Variants in GRID2 observed in about 807,000 individuals in gnomAD.
The protein encoded by GRID2 is glutamate receptor ionotropic, delta-2.
GRID2 carries 33 observed loss-of-function variants against 114.8 expected under a neutral mutation model. That is an observed-to-expected ratio of 0.29 (90% CI 0.22 to 0.38). GRID2 has a LOEUF of 0.38. Ranked by LOEUF, GRID2 falls within the 10% of genes least tolerant of loss-of-function variation. The pLI is 1.00. For synonymous variants in GRID2, 505 were observed against 449.9 expected (o/e 1.12, Z -1.55); for missense variants, 1,184 against 1,257.7 (o/e 0.94, Z 0.89).
chr4:93,542,297 C>G (rs936695707), intron 13 of GRID2, among the ~76,000 whole-genome samples: 1 of 152,034 alleles, frequency 6.6e-6, no homozygotes. Flanking sequence ...TATCCTGTAC[C>G]CAGCCTTTGA....
At chr4:93,358,757 T>G (rs1431437240) in intron 8 of GRID2, among the ~76,000 whole-genome samples, 1 of 152,080 alleles carries the variant, frequency 6.6e-6, no homozygotes, top group Admixed American at 6.6e-5. Context: ...CTGGAACAAA[T>G]AAGACTTAGT....
chr4:93,291,119 C>T (rs62307803), intron 8 of GRID2, among the ~76,000 whole-genome samples: 6 of 151,968 alleles, frequency 3.9e-5, no homozygotes, highest in Admixed American at 6.6e-5. Context: ...CCTCTTGATC[C>T]GCCCACCAGA....
intron 2 of GRID2, among the ~76,000 whole-genome samples, chr4:92,958,098 A>G (rs1752538789): frequency 6.6e-6 from 1 of 152,036 alleles, no homozygotes; most frequent in Non-Finnish European, 1.5e-5. Context: ...TCACCTGTGT[A>G]CAAAGACACT....
intron 2 of GRID2, among the ~76,000 whole-genome samples, chr4:92,887,382 C>T (rs1013734726): frequency 6.6e-6 from 1 of 152,178 alleles, no homozygotes; most frequent in Admixed American, 6.5e-5. Context: ...TGTTTTTTAT[C>T]AGCTCTGGAT....
chr4:93,585,095 G>GT (rs1737395909), intron 13 of GRID2, among the ~76,000 whole-genome samples: 1 of 152,192 alleles, frequency 6.6e-6, no homozygotes, highest in African/African-American at 2.4e-5. Context: ...CCAAAAAACT[G>GT]TTACCTTGGC....
intron 10 of GRID2, among the ~76,000 whole-genome samples, chr4:93,446,844 A>G (rs1346788329): frequency 1.3e-5 from 2 of 151,820 alleles, no homozygotes; most frequent in Non-Finnish European, 2.9e-5. Flanking sequence ...AAAGGATAAC[A>G]TTTTACAACT....
chr4:92,739,792 T>C (rs1162643869), intron 2 of GRID2, among the ~76,000 whole-genome samples: 1 of 152,148 alleles, frequency 6.6e-6, no homozygotes, highest in Non-Finnish European at 1.5e-5. Flanking sequence ...TGATTCTTCC[T>C]CTCATGTAAC....
intron 14 of GRID2, among the ~76,000 whole-genome samples, chr4:93,660,446 A>T (rs1026263744): frequency 2.6e-5 from 4 of 152,200 alleles, no homozygotes; most frequent in African/African-American, 9.7e-5. Context: ...TAATTCAAAT[A>T]TACATTTGTG....
intron 10 of GRID2, among the ~76,000 whole-genome samples, chr4:93,443,579 C>T (rs960905116): frequency 1.5e-4 from 23 of 151,920 alleles, no homozygotes; most frequent in Admixed American, 2.6e-4. Context: ...AAGCTATTTA[C>T]CTTGTCTGAG....
chr4:92,407,563 T>G (rs1164580577), intron 1 of GRID2, among the ~76,000 whole-genome samples: 1 of 152,198 alleles, frequency 6.6e-6, no homozygotes, highest in East Asian at 1.9e-4. Context: ...TTTATAAGCA[T>G]TGTATTTTCT....
At chr4:93,030,681 AGCTAGAGCT>A (rs1475509467) in intron 2 of GRID2, among the ~76,000 whole-genome samples, 21 of 152,158 alleles carry the variant, frequency 1.4e-4, no homozygotes, top group East Asian at 3.9e-4. Flanking sequence ...CACCACGCCC[AGCTAGAGCT>A]GCATCTTTCA....
chr4:92,478,083 C>A (rs1032139083), intron 1 of GRID2, among the ~76,000 whole-genome samples: 1 of 151,684 alleles, frequency 6.6e-6, no homozygotes, highest in African/African-American at 2.4e-5. Context: ...TGACTGTATC[C>A]CATCCAATAT....
intron 15 of GRID2, among the ~76,000 whole-genome samples, chr4:93,770,934 A>ATCC (rs1734060045): frequency 1.3e-5 from 2 of 152,162 alleles, no homozygotes; most frequent in Non-Finnish European, 2.9e-5. Context: ...TTTTTTATTG[A>ATCC]ATTTTGAAAT....
intron 8 of GRID2, among the ~76,000 whole-genome samples, chr4:93,333,928 G>T (rs191551225): frequency 3.1e-4 from 47 of 152,212 alleles, no homozygotes; most frequent in African/African-American, 1.1e-3. Flanking sequence ...ATCATTTCTT[G>T]TGGGGGAAAA....
intron 1 of GRID2, among the ~76,000 whole-genome samples, chr4:92,517,154 A>C (rs1724539967): frequency 7.0e-6 from 1 of 142,828 alleles, no homozygotes; most frequent in Non-Finnish European, 1.6e-5. Flanking sequence ...CTTTTCAATC[A>C]TAAAGTCAGA....
intron 9 of GRID2, among the ~76,000 whole-genome samples, chr4:93,405,591 T>G (rs1373369172): frequency 6.6e-6 from 1 of 152,174 alleles, no homozygotes; most frequent in East Asian, 1.9e-4. Context: ...CAGAGTCATT[T>G]GCAAATTCAA....
At chr4:92,476,432 A>G (rs1722318413) in intron 1 of GRID2, among the ~76,000 whole-genome samples, 1 of 152,186 alleles carries the variant, frequency 6.6e-6, no homozygotes, top group Non-Finnish European at 1.5e-5. Context: ...TTCTTTATCT[A>G]TAGAGGATGA....
intron 2 of GRID2, among the ~76,000 whole-genome samples, chr4:92,767,680 G>A (rs1430969205): frequency 6.6e-6 from 1 of 151,720 alleles, no homozygotes; most frequent in Non-Finnish European, 1.5e-5. Context: ...GAACCTGGGA[G>A]GTGGAATTTG....
intron 4 of GRID2, among the ~76,000 whole-genome samples, chr4:93,145,788 C>T (rs1560925771): frequency 1.3e-5 from 2 of 150,706 alleles, no homozygotes; most frequent in Non-Finnish European, 3.0e-5. Flanking sequence ...GAACCACAGC[C>T]CACAGCACCT....
Sources: gnomAD v4.1 joint callset for allele counts (sites outside exome capture counted in the v4.1 genomes callset) on GRCh38, gnomAD v4.1.1 for gene constraint, MANE v1.5 for transcripts, NCBI Gene and HGNC (gene_info 2026-07-23, HGNC 2026-07-21) for gene names.